Variants in SLC22A13 observed in about 807,000 individuals in gnomAD.
SLC22A13 encodes the protein solute carrier family 22 member 13, also known as organic anion transporter 10.
SLC22A13 carries 42 observed loss-of-function variants against 49.1 expected under a neutral mutation model. The ratio of observed to expected loss-of-function variants is 0.85; its 90% CI spans 0.67 to 1.11. SLC22A13 has a LOEUF of 1.11. Among genes scored for constraint, SLC22A13 ranks in the 50% least tolerant of loss-of-function variants. The pLI, the probability that SLC22A13 is intolerant of heterozygous loss-of-function variation, is 0.00. For synonymous variants in SLC22A13, 282 were observed against 293.1 expected, an observed-to-expected ratio of 0.96 and a Z score of 0.39; for missense variants, 694 against 712.8, an observed-to-expected ratio of 0.97 and a Z score of 0.30.
intron 1 of SLC22A13, 57 bp from the exon 2 acceptor site, chr3:38,274,215 T>G (rs1703550212): frequency 2.4e-6 from 3 of 1,268,614 alleles, no homozygotes; most frequent in Admixed American, 3.4e-5. Flanking sequence ...GGACAGGTGG[T>G]GTAGGGCTTG....
At chr3:38,268,199 G>A (rs183005088) in intron 1 of SLC22A13, among the ~76,000 whole-genome samples, 1 of 152,292 alleles carries the variant, frequency 6.6e-6, no homozygotes, top group Admixed American at 6.5e-5. Flanking sequence ...TTAACACTTA[G>A]GAAGAGTCTT....
At chr3:38,274,213 G>A (rs1295694856) in intron 1 of SLC22A13, 59 bp from the exon 2 acceptor site, 1 of 1,236,786 alleles carries the variant, frequency 8.1e-7, no homozygotes, top group Non-Finnish European at 1.2e-6. Flanking sequence ...TGGGACAGGT[G>A]GTGTAGGGCT....
At chr3:38,275,251 G>T in intron 4 of SLC22A13, 94 bp downstream of exon 4, 2 of 1,589,920 alleles carry the variant, frequency 1.3e-6, no homozygotes, top group East Asian at 4.5e-5. Flanking sequence ...GACAGTCAGA[G>T]GTGAGTCTGG....
intron 1 of SLC22A13, among the ~76,000 whole-genome samples, chr3:38,269,262 AT>A (rs949551205): frequency 5.1e-4 from 74 of 145,848 alleles, no homozygotes; most frequent in Admixed American, 4.1e-4. Context: ...ATGAACTTCA[AT>A]TTTTTTTTTT....
intron 1 of SLC22A13, among the ~76,000 whole-genome samples, chr3:38,273,162 G>T (rs991749586): frequency 4.6e-5 from 7 of 152,168 alleles, no homozygotes; most frequent in Admixed American, 4.6e-4. Flanking sequence ...TGTTCAAGAG[G>T]CATGGCGGGA....
At chr3:38,274,433 C>A in intron 2 of SLC22A13, 58 bp downstream of exon 2, 1 of 1,496,214 alleles carries the variant, frequency 6.7e-7, no homozygotes, top group South Asian at 1.1e-5. Context: ...CTGGCACAGG[C>A]CCAAGTCCCC....
intron 1 of SLC22A13, among the ~76,000 whole-genome samples, chr3:38,271,082 A>G (rs1424696351): frequency 6.6e-6 from 1 of 152,252 alleles, no homozygotes; most frequent in African/African-American, 2.4e-5. Flanking sequence ...CCATTGACCC[A>G]GAGGACCCTC....
intron 1 of SLC22A13, among the ~76,000 whole-genome samples, chr3:38,271,576 C>CA (rs1703523175): frequency 1.3e-5 from 2 of 151,258 alleles, no homozygotes; most frequent in Non-Finnish European, 2.9e-5. Flanking sequence ...AAAATGACTC[C>CA]CCTGTCTACG....
chr3:38,274,528 C>A, intron 2 of SLC22A13, 76 bp from the exon 3 acceptor site: 1 of 1,536,902 alleles, frequency 6.5e-7, no homozygotes, highest in Non-Finnish European at 8.9e-7. Context: ...CAGGACAGGG[C>A]TGGGCCCCCT....
At chr3:38,273,824 AACTTACTGATAAGATGTATGC>A (rs1159131671) in intron 1 of SLC22A13, among the ~76,000 whole-genome samples, 2 of 152,348 alleles carry the variant, frequency 1.3e-5, no homozygotes, top group Admixed American at 1.3e-4. Flanking sequence ...TAAATACAAT[AACTTACTGATAAGATGTATGC>A]ACTTACTGGG....
Position 38,277,617 on chromosome 3 carries a change from G to A in SLC22A13, c.*152G>A, listed in dbSNP as rs907151083. The A allele has an allele frequency of 8.9e-5, 51 of 570,876 alleles. No homozygotes were observed. The highest frequency in any genetic ancestry group is 2.9e-4 in the Admixed American group (9 of 31,570). The allele number at this position is 570,876 out of a possible 1,614,324, so 35.4% of individuals were successfully genotyped here. A position where few individuals can be genotyped will look rare whatever the true frequency, so the allele number is the denominator to read the frequency against. ...TGGCCCATGGCTGTCACCTCCTGCC[G>A]AGTCCAATCCCAGACTGGGAACCAC... On this transcript the variant is annotated 3_prime_UTR_variant, in exon 10 of 10. Transcript: ENST00000311856.
intron 8 of SLC22A13, 83 bp from the exon 9 acceptor site, chr3:38,276,829 C>G (rs1703589654): frequency 2.2e-5 from 27 of 1,244,662 alleles, no homozygotes; most frequent in Non-Finnish European, 3.1e-5. Flanking sequence ...GAGGTCTGGA[C>G]TCTCCCGAGG....
chr3:38,266,332 C>A, intron 1 of SLC22A13, 94 bp downstream of exon 1: 1 of 1,412,174 alleles, frequency 7.1e-7, no homozygotes, highest in Non-Finnish European at 9.8e-7. Flanking sequence ...TCTGTATCTG[C>A]CCCATGCCCA....
chr3:38,274,724 C>A lies in SLC22A13; in HGVS notation c.603C>A (p.Ala201=). ...YMALRFAVAT[A]VAGLSFSNVT... ...CCCTGCGCTTTGCTGTGGCTACTGC[C>A]GTCGCTGGACTTAGCTTCAGCAATG... The change falls in exon 3 of 10, where the codon GCC becomes GCA. Residue 201 remains alanine, a synonymous_variant. Transcript: ENST00000311856. The A allele has an allele frequency of 6.2e-7, 1 of 1,614,118 alleles. No individual in the cohort carries two copies. Among genetic ancestry groups the A allele is most frequent in the South Asian group, 1.1e-5 (1 of 91,080 alleles).
At chr3:38,274,025 C>T (rs998250057) in intron 1 of SLC22A13, among the ~76,000 whole-genome samples, 3 of 152,216 alleles carry the variant, frequency 2.0e-5, no homozygotes, top group Non-Finnish European at 1.5e-5. Flanking sequence ...TGTGGTCTCA[C>T]GTTGAAAGCG....
At chr3:38,273,372 A>G (rs1410970370) in intron 1 of SLC22A13, among the ~76,000 whole-genome samples, 1 of 152,002 alleles carries the variant, frequency 6.6e-6, no homozygotes, top group Non-Finnish European at 1.5e-5. Context: ...ACACCTGCAC[A>G]TTCTCTCATT....
chr3:38,273,588 C>T (rs1049606603), intron 1 of SLC22A13, among the ~76,000 whole-genome samples: 8 of 152,090 alleles, frequency 5.3e-5, no homozygotes, highest in African/African-American at 1.9e-4. Flanking sequence ...GGAGAAGCGG[C>T]CCCATTTGTT....
At chr3:38,266,515 C>G (rs1703466191) in intron 1 of SLC22A13, among the ~76,000 whole-genome samples, 1 of 152,210 alleles carries the variant, frequency 6.6e-6, no homozygotes, top group African/African-American at 2.4e-5. Flanking sequence ...CTCTGGCTAT[C>G]TACCCAGTTG....
At chr3:38,269,159 T>A (rs1220024575) in intron 1 of SLC22A13, among the ~76,000 whole-genome samples, 2 of 152,140 alleles carry the variant, frequency 1.3e-5, no homozygotes, top group African/African-American at 2.4e-5. Flanking sequence ...CAAAAGTAAC[T>A]AGTATTAGGA....
Sources: allele counts gnomAD v4.1 joint callset (sites outside exome capture counted in the v4.1 genomes callset), GRCh38; gene constraint gnomAD v4.1.1; transcripts MANE v1.5; gene names NCBI Gene and HGNC (gene_info 2026-07-23, HGNC 2026-07-21).